ROBO2: variants seen among roughly 807,000 people sequenced by gnomAD.
ROBO2 encodes roundabout homolog 2.
In ROBO2, 53 loss-of-function variants were observed where a neutral mutation model predicts 160.8. The observed-to-expected ratio is 0.33, with a 90% CI of 0.26 to 0.41. The LOEUF is 0.41. Among genes scored for constraint, ROBO2 ranks in the 10% least tolerant of loss-of-function variants. The probability of loss-of-function intolerance (pLI) is 1.00; values close to 1 mark genes in which losing one functional copy is unlikely to be tolerated. For missense variants in ROBO2, 1,577 were observed against 1,722.4 expected (o/e 0.92, Z 1.49); for synonymous variants, 664 against 611.7 (o/e 1.09, Z -1.26).
At chr3:76,001,126 ATTC>A (rs755483332) in intron 2 of ROBO2, among the ~76,000 whole-genome samples, 2 of 151,612 alleles carry the variant, frequency 1.3e-5, no homozygotes, top group Admixed American at 1.3e-4. Context: ...TTATTTAGTT[ATTC>A]TTAAATGTTG....
chr3:76,294,786 T>C (rs1216099442), intron 2 of ROBO2, among the ~76,000 whole-genome samples: 2 of 152,192 alleles, frequency 1.3e-5, no homozygotes, highest in Non-Finnish European at 2.9e-5. Context: ...CAATAGCCAG[T>C]GGTCAGTGGA....
At chr3:77,280,806 T>G (rs2153370738) in intron 2 of ROBO2, among the ~76,000 whole-genome samples, 1 of 152,294 alleles carries the variant, frequency 6.6e-6, no homozygotes, top group Non-Finnish European at 1.5e-5. Flanking sequence ...CTGCCTTCCT[T>G]TTCAGTTTAT....
At chr3:76,101,165 C>T (rs2069667282) in intron 2 of ROBO2, among the ~76,000 whole-genome samples, 1 of 151,826 alleles carries the variant, frequency 6.6e-6, no homozygotes, top group South Asian at 2.1e-4. Context: ...ATTTGGGCTA[C>T]CGTGGAGGAA....
At chr3:76,320,097 A>G (rs1039090531) in intron 2 of ROBO2, among the ~76,000 whole-genome samples, 1 of 152,124 alleles carries the variant, frequency 6.6e-6, no homozygotes, top group East Asian at 1.9e-4. Context: ...AATTAAGCCT[A>G]TCATATTTGC....
At chr3:77,002,874 T>A (rs2061399490) in intron 2 of ROBO2, among the ~76,000 whole-genome samples, 1 of 152,126 alleles carries the variant, frequency 6.6e-6, no homozygotes, top group Admixed American at 6.5e-5. Flanking sequence ...AAGAGGCAAA[T>A]ACCTACTCAA....
At chr3:76,122,948 C>T (rs1341461707) in intron 2 of ROBO2, among the ~76,000 whole-genome samples, 1 of 152,194 alleles carries the variant, frequency 6.6e-6, no homozygotes, top group African/African-American at 2.4e-5. Context: ...GGGGTTTCAC[C>T]GTGTTAGCCA....
chr3:76,857,847 C>A (rs903670259), intron 2 of ROBO2, among the ~76,000 whole-genome samples: 1 of 152,210 alleles, frequency 6.6e-6, no homozygotes, highest in East Asian at 1.9e-4. Context: ...TAATTTGACC[C>A]CAGGCTACCT....
chr3:77,122,537 C>T (rs967575920), intron 2 of ROBO2, among the ~76,000 whole-genome samples: 2 of 152,188 alleles, frequency 1.3e-5, no homozygotes, highest in Non-Finnish European at 1.5e-5. Flanking sequence ...TTTTCATATT[C>T]GGAGTATATG....
At chr3:76,670,305 A>C (rs1337825537) in intron 2 of ROBO2, among the ~76,000 whole-genome samples, 4 of 144,434 alleles carry the variant, frequency 2.8e-5, no homozygotes, top group Admixed American at 7.0e-5. Flanking sequence ...AAAGAATGAC[A>C]TAAATCCTGT....
chr3:76,098,945 G>C (rs929014083), intron 2 of ROBO2, among the ~76,000 whole-genome samples: 1 of 152,100 alleles, frequency 6.6e-6, no homozygotes, highest in Non-Finnish European at 1.5e-5. Context: ...TCCTCCTGCT[G>C]CTTTGAAGGA....
At chr3:76,333,370 C>T (rs1161102435) in intron 2 of ROBO2, among the ~76,000 whole-genome samples, 1 of 152,190 alleles carries the variant, frequency 6.6e-6, no homozygotes, top group Non-Finnish European at 1.5e-5. Flanking sequence ...AGTCATGATT[C>T]TCACTGAATA....
intron 2 of ROBO2, among the ~76,000 whole-genome samples, chr3:76,170,437 C>CA (rs1450321128): frequency 6.6e-6 from 1 of 152,162 alleles, no homozygotes; most frequent in Non-Finnish European, 1.5e-5. Flanking sequence ...AAGCCCAAAA[C>CA]ATACTGTTGA....
intron 1 of ROBO2, among the ~76,000 whole-genome samples, chr3:77,056,135 G>A (rs1302395475): frequency 2.6e-5 from 4 of 152,166 alleles, no homozygotes; most frequent in Admixed American, 2.6e-4. Context: ...GTCTAAACAA[G>A]TTACAACAAG....
chr3:76,572,931 T>C (rs2085044023), intron 2 of ROBO2, among the ~76,000 whole-genome samples: 1 of 152,190 alleles, frequency 6.6e-6, no homozygotes, highest in Non-Finnish European at 1.5e-5. Flanking sequence ...CTGTCCCAGG[T>C]CTTTTGCTAC....
intron 2 of ROBO2, among the ~76,000 whole-genome samples, chr3:77,440,027 A>G (rs1025476645): frequency 6.6e-6 from 1 of 152,210 alleles, no homozygotes; most frequent in Admixed American, 6.5e-5. Flanking sequence ...TGTAGTTTTA[A>G]ATACAGAAGA....
chr3:76,859,346 C>G (rs1361750085), intron 2 of ROBO2, among the ~76,000 whole-genome samples: 1 of 152,124 alleles, frequency 6.6e-6, no homozygotes, highest in Non-Finnish European at 1.5e-5. Flanking sequence ...AAATTTTAGA[C>G]ACATGTAAAA....
chr3:77,290,009 C>A (rs1280308642), intron 2 of ROBO2, among the ~76,000 whole-genome samples: 254 of 92,854 alleles, frequency 2.7e-3, no homozygotes, highest in Middle Eastern at 8.2e-3. Context: ...AGGCTAGATC[C>A]CTAAAGACAT....
At chr3:77,277,173 T>TTTCTTTCTTTCTTTC (rs1560408226) in intron 2 of ROBO2, among the ~76,000 whole-genome samples, 90 of 96,942 alleles carry the variant, frequency 9.3e-4, no homozygotes, top group African/African-American at 3.1e-3. Flanking sequence ...TCTTTCTTTC[T>TTTCTTTCTTTCTTTC]TTCTTTCTTT....
chr3:77,464,551 G>A (rs2082573250), intron 2 of ROBO2, among the ~76,000 whole-genome samples: 1 of 152,134 alleles, frequency 6.6e-6, no homozygotes, highest in African/African-American at 2.4e-5. Flanking sequence ...TACAGGGGGA[G>A]GAAGGGGACT....
Sources: gnomAD v4.1 joint callset for allele counts (sites outside exome capture counted in the v4.1 genomes callset) on GRCh38, gnomAD v4.1.1 for gene constraint, MANE v1.5 for transcripts, NCBI Gene and HGNC (gene_info 2026-07-23, HGNC 2026-07-21) for gene names.